Variants in NRXN3 observed in about 807,000 individuals in gnomAD.
NRXN3 encodes the protein neurexin III.
NRXN3 carries 32 observed loss-of-function variants against 137.6 expected under a neutral mutation model. That is an observed-to-expected ratio of 0.23 (90% CI 0.18 to 0.31). The LOEUF (loss-of-function observed/expected upper bound fraction) is 0.31. Ranked by LOEUF, NRXN3 falls within the 10% of genes least tolerant of loss-of-function variation. NRXN3 has a pLI of 1.00. For synonymous variants in NRXN3, 798 were observed against 784.5 expected (o/e 1.02, Z -0.29); for missense variants, 1,574 against 2,062.5 (o/e 0.76, Z 4.59).
At position 78,923,590 on chromosome 14, in the gene NRXN3, A is replaced by T. The variant is rs374771801; in HGVS notation, c.2276-33652A>T. ...TTCTCTAATCAATGCTCCTGCTCCC[A>T]CAAGACAGAAGAGAATTGAGGAATT... On this transcript the variant is annotated intron_variant, in intron 10 of 20. Coordinates refer to ENST00000335750, the MANE Select transcript of NRXN3 (RefSeq NM_001330195.2). Among the ~76,000 whole-genome samples the T allele has an allele frequency of 2.0e-5, 3 of 152,306 alleles. No individual in the cohort carries two copies. In the South Asian group the frequency reaches 6.2e-4, roughly 32 times the overall value.
intron 15 of NRXN3, among the ~76,000 whole-genome samples, chr14:79,036,561 A>G (rs973820843): frequency 4.1e-5 from 6 of 146,940 alleles, no homozygotes. Context: ...AAACTGCTTC[A>G]TCATTATTTT....
chr14:79,367,345 G>A (rs2093935578), intron 15 of NRXN3, among the ~76,000 whole-genome samples: 1 of 152,172 alleles, frequency 6.6e-6, no homozygotes, highest in Non-Finnish European at 1.5e-5. Context: ...GGTAGTGCAG[G>A]TTTTGGATGC....
intron 4 of NRXN3, among the ~76,000 whole-genome samples, chr14:78,421,997 G>A (rs2093467263): frequency 5.3e-5 from 8 of 152,194 alleles, no homozygotes; most frequent in Non-Finnish European, 1.5e-5. Flanking sequence ...TAGATGCTCC[G>A]TTTATTAGTT....
At chr14:78,520,097 T>C (rs560269609) in intron 4 of NRXN3, among the ~76,000 whole-genome samples, 1 of 152,296 alleles carries the variant, frequency 6.6e-6, no homozygotes, top group Admixed American at 6.5e-5. Flanking sequence ...CTATCTGGAT[T>C]ATTGGCTCCT....
At chr14:79,032,977 C>CATGA (rs2099610355) in intron 15 of NRXN3, among the ~76,000 whole-genome samples, 2 of 152,102 alleles carry the variant, frequency 1.3e-5, no homozygotes, top group South Asian at 4.1e-4. Flanking sequence ...ATGGCACCTT[C>CATGA]AATTAATGTT....
Position 79,861,189 on chromosome 14 carries a change from A to T in NRXN3, c.4094-153A>T. On this transcript the variant is annotated intron_variant, in intron 20 of 20. Transcript: ENST00000335750. This position sits in a 1 kb window ranked among gnomAD's most constrained non-coding sequence, Gnocchi z 5.4. The stretch of plus-strand genomic sequence containing the variant: ...AAAGATTCCCTGTCCATGACCTCTG[A>T]GGCGGGGTTACCTTGCTTGTCGGAC... 1 of 1,531,150 alleles carries T rather than the reference A, an allele frequency of 6.5e-7. No homozygotes were observed. The highest frequency in any genetic ancestry group is 8.7e-7 in the Non-Finnish European group (1 of 1,144,654). The allele number at this position is 1,531,150 out of a possible 1,614,324, so 94.8% of individuals were successfully genotyped here.
chr14:78,615,448 A>AG (rs2097338714), intron 4 of NRXN3, among the ~76,000 whole-genome samples: 1 of 151,204 alleles, frequency 6.6e-6, no homozygotes, highest in South Asian at 2.1e-4. Flanking sequence ...AAAATACAAA[A>AG]AAAAAAAAAA....
intron 19 of NRXN3, among the ~76,000 whole-genome samples, chr14:79,720,445 G>C (rs764401415): frequency 6.6e-6 from 1 of 152,038 alleles, no homozygotes; most frequent in Non-Finnish European, 1.5e-5. Context: ...CCTTTTCTCA[G>C]TGCCTCCACA....
chr14:79,724,289 T>G (rs369005379), intron 19 of NRXN3, among the ~76,000 whole-genome samples: 5 of 152,248 alleles, frequency 3.3e-5, no homozygotes, highest in African/African-American at 1.2e-4. Context: ...GTCCTGACTG[T>G]GCTACATTTT....
At position 79,403,860 on chromosome 14, in the gene NRXN3, G is replaced by A. The variant is rs1471586368; in HGVS notation, c.3263-63361G>A. On this transcript the variant is annotated intron_variant, in intron 15 of 20. Transcript: ENST00000335750. ...CCAGAGGCAAGCTTGACACGATGGA[G>A]CAAAGGGTGGAAAGGTAGAAAATAG... 2.6e-5 allele frequency among the ~76,000 whole-genome samples: 4 copies of A among 152,144 alleles called. No homozygotes were observed. The South Asian group carries it at 6.2e-4, about 24-fold the overall frequency.
intron 19 of NRXN3, among the ~76,000 whole-genome samples, chr14:79,750,731 G>A (rs188880265): frequency 6.6e-6 from 1 of 151,940 alleles, no homozygotes; most frequent in African/African-American, 2.4e-5. Context: ...GCAAAGTCAG[G>A]GTCCTAAAAT....
At chr14:78,648,946 C>T (rs1000534765) in intron 5 of NRXN3, among the ~76,000 whole-genome samples, 19 of 152,028 alleles carry the variant, frequency 1.2e-4, no homozygotes, top group African/African-American at 4.1e-4. Flanking sequence ...CTAATTCTAA[C>T]GGGTGAGGTG....
intron 15 of NRXN3, among the ~76,000 whole-genome samples, chr14:79,021,948 CACA>C (rs2099590421): frequency 6.6e-6 from 1 of 152,184 alleles, no homozygotes; most frequent in Non-Finnish European, 1.5e-5. Context: ...ACAGTAAACT[CACA>C]ACAATCCCAG....
At chr14:78,974,410 A>T (rs1391056557) in intron 14 of NRXN3, among the ~76,000 whole-genome samples, 1 of 152,208 alleles carries the variant, frequency 6.6e-6, no homozygotes, top group African/African-American at 2.4e-5. Context: ...TCACCTAGAA[A>T]ATCTGGACAT....
rs1488155274 is a variant in NRXN3 at position 78,926,861 on chromosome 14, A to T, written c.2276-30381A>T. ...TAAATATATAATATATTATATATATAATATATATATAATATATAATATATT... is the reference window on the plus strand; with the variant it reads ...TAAATATATAATATATTATATATATTATATATATATAATATATAATATATT... On this transcript the variant is annotated intron_variant, in intron 10 of 20. Transcript: ENST00000335750. 2.0e-4 allele frequency among the ~76,000 whole-genome samples: 4 copies of T among 20,180 alleles called. No individual in the cohort carries two copies. The East Asian group carries it at 9.3e-3, about 47-fold the overall frequency. The allele number at this position is 20,180 out of a possible 152,430, so 13.2% of individuals were successfully genotyped here.
chr14:79,199,811 T>C (rs2065695576), intron 15 of NRXN3, among the ~76,000 whole-genome samples: 1 of 152,154 alleles, frequency 6.6e-6, no homozygotes, highest in Non-Finnish European at 1.5e-5. Flanking sequence ...CATGTGAGAA[T>C]ATAAATTTGG....
At chr14:79,121,392 G>T (rs1230170265) in intron 15 of NRXN3, among the ~76,000 whole-genome samples, 2 of 152,166 alleles carry the variant, frequency 1.3e-5, no homozygotes, top group Non-Finnish European at 2.9e-5. Context: ...AGTGAGGAAT[G>T]AAATTTGAAT....
At chr14:79,410,940 G>T (rs1326109186) in intron 15 of NRXN3, among the ~76,000 whole-genome samples, 1 of 151,912 alleles carries the variant, frequency 6.6e-6, no homozygotes, top group Non-Finnish European at 1.5e-5. Flanking sequence ...TTACAGTTTT[G>T]GGGGGGAAGA....
At chr14:78,775,648 T>C (rs527410795) in intron 8 of NRXN3, among the ~76,000 whole-genome samples, 1 of 152,342 alleles carries the variant, frequency 6.6e-6, no homozygotes, top group East Asian at 1.9e-4. Context: ...GGTCAATAAG[T>C]ATCTCTGATG....
Sources: gnomAD v4.1 joint callset for allele counts (sites outside exome capture counted in the v4.1 genomes callset) on GRCh38, gnomAD v4.1.1 for gene constraint, Gnocchi (gnomAD v3.1) non-coding constraint, MANE v1.5 for transcripts, NCBI Gene and HGNC (gene_info 2026-07-23, HGNC 2026-07-21) for gene names.